Variants in KCNIP4 observed in about 807,000 individuals in gnomAD.
KCNIP4 encodes the protein potassium voltage-gated channel interacting protein 4.
Under a neutral mutation model 34.0 loss-of-function variants are expected in KCNIP4, and 12 were observed. The ratio of observed to expected loss-of-function variants is 0.35; its 90% confidence interval spans 0.23 to 0.57. The LOEUF is 0.57. Among genes scored for constraint, KCNIP4 ranks in the 20% least tolerant of loss-of-function variants. The probability of loss-of-function intolerance (pLI) is 0.83; values close to 1 mark genes in which losing one functional copy is unlikely to be tolerated. For synonymous variants in KCNIP4, 124 were observed against 102.2 expected (o/e 1.21, Z -1.29); for missense variants, 238 against 311.7 (o/e 0.76, Z 1.78).
At position 20,729,944 on chromosome 4, in the gene KCNIP4, T is replaced by G; in HGVS notation, c.*138A>C. 1 of 1,011,348 alleles carries G rather than the reference T, an allele frequency of 9.9e-7. No individual in the cohort carries two copies. Among genetic ancestry groups the G allele is most frequent in the Non-Finnish European group, 1.4e-6 (1 of 736,800 alleles). 62.6% of individuals were successfully genotyped at this position (1,011,348 alleles called of 1,614,324 possible). Reference sequence around the variant, plus strand: ...AAGCTCAAATCTTTTGGGGATTGCTTTATATTAAAACAAAGCTTGTTTGCA... The same window carrying G: ...AAGCTCAAATCTTTTGGGGATTGCTGTATATTAAAACAAAGCTTGTTTGCA... On this transcript the variant is annotated 3_prime_UTR_variant, in exon 9 of 9. Transcript: ENST00000382152.
chr4:20,942,543 G>A (rs1268533342), intron 1 of KCNIP4, among the ~76,000 whole-genome samples: 1 of 152,166 alleles, frequency 6.6e-6, no homozygotes, highest in African/African-American at 2.4e-5. Context: ...CAACTATGAC[G>A]TAGGGCCATT....
intron 3 of KCNIP4, among the ~76,000 whole-genome samples, chr4:20,786,387 C>G (rs1711992739): frequency 6.6e-6 from 1 of 152,060 alleles, no homozygotes; most frequent in Non-Finnish European, 1.5e-5. Flanking sequence ...AAGCCTAAAC[C>G]TCAGCAACAC....
intron 1 of KCNIP4, among the ~76,000 whole-genome samples, chr4:21,346,215 T>TATAATATATTA (rs1717358269): frequency 1.6e-4 from 1 of 6,432 alleles, no homozygotes; most frequent in African/African-American, 5.6e-4. Context: ...ATAATATATA[T>TATAATATATTA]TATATATAAT....
intron 1 of KCNIP4, among the ~76,000 whole-genome samples, chr4:21,460,732 G>A (rs1729395938): frequency 6.6e-6 from 1 of 151,936 alleles, no homozygotes; most frequent in Non-Finnish European, 1.5e-5. Flanking sequence ...GCAAATTAGG[G>A]CATTTTTACT....
intron 7 of KCNIP4, among the ~76,000 whole-genome samples, 161 bp downstream of exon 7, chr4:20,732,520 A>G (rs150275793): frequency 1.4e-3 from 208 of 152,350 alleles, no homozygotes; most frequent in African/African-American, 4.5e-3. Flanking sequence ...AGCATTGTAA[A>G]TTCAAAACCA....
intron 3 of KCNIP4, among the ~76,000 whole-genome samples, chr4:20,847,838 A>C (rs1005104231): frequency 1.3e-5 from 2 of 152,172 alleles, no homozygotes; most frequent in Non-Finnish European, 2.9e-5. Flanking sequence ...CCTTTGAATC[A>C]CAGTATGGAG....
chr4:20,765,765 A>G (rs1755342154), intron 3 of KCNIP4, among the ~76,000 whole-genome samples: 1 of 152,176 alleles, frequency 6.6e-6, no homozygotes, highest in South Asian at 2.1e-4. Flanking sequence ...ACACAATAAA[A>G]GTAGAATGAG....
chr4:21,598,799 A>G (rs886822411), intron 1 of KCNIP4, among the ~76,000 whole-genome samples: 6 of 152,046 alleles, frequency 3.9e-5, no homozygotes, highest in African/African-American at 1.4e-4. Context: ...GGGTCTCCCA[A>G]CTCATCCAAT....
At chr4:20,951,972 C>G (rs1487023671) in intron 1 of KCNIP4, among the ~76,000 whole-genome samples, 1 of 152,168 alleles carries the variant, frequency 6.6e-6, no homozygotes, top group Non-Finnish European at 1.5e-5. Context: ...ATAATATACG[C>G]TTTGCTTACT....
chr4:21,881,089 A>AT (rs1028740806), intron 1 of KCNIP4, among the ~76,000 whole-genome samples: 3 of 152,122 alleles, frequency 2.0e-5, no homozygotes, highest in African/African-American at 7.2e-5. Context: ...GAATTATAAT[A>AT]TTTTTTAAAG....
At chr4:21,674,993 T>G (rs886069575) in intron 1 of KCNIP4, among the ~76,000 whole-genome samples, 13 of 152,186 alleles carry the variant, frequency 8.5e-5, no homozygotes, top group African/African-American at 3.1e-4. Flanking sequence ...TTGTCTGCAC[T>G]CCTATGCTTA....
chr4:20,730,221 CCACCTCAACCACCTAT>C, intron 8 of KCNIP4, 92 bp from the exon 9 acceptor site: 1 of 1,396,652 alleles, frequency 7.2e-7, no homozygotes, highest in Non-Finnish European at 9.6e-7. Flanking sequence ...CTCCCATCAA[CCACCTCAACCACCTAT>C]GCCAAAAGCT....
At chr4:21,076,968 C>CA (rs1188439006) in intron 1 of KCNIP4, among the ~76,000 whole-genome samples, 1 of 151,742 alleles carries the variant, frequency 6.6e-6, no homozygotes, top group Non-Finnish European at 1.5e-5. Context: ...ACTAAAAACA[C>CA]AAAAAAATTA....
intron 1 of KCNIP4, among the ~76,000 whole-genome samples, chr4:21,137,262 A>C (rs4697208): frequency 6.6e-6 from 1 of 151,900 alleles, no homozygotes; most frequent in Non-Finnish European, 1.5e-5. Context: ...AAATGACAGA[A>C]GAAGCAACCC....
chr4:20,919,229 G>C (rs376779171), intron 1 of KCNIP4, among the ~76,000 whole-genome samples: 1 of 152,112 alleles, frequency 6.6e-6, no homozygotes, highest in South Asian at 2.1e-4. Flanking sequence ...ATTAGCCCTT[G>C]GAGAGCAGAG....
chr4:21,225,138 T>C (rs1206120735), intron 1 of KCNIP4, among the ~76,000 whole-genome samples: 1 of 152,126 alleles, frequency 6.6e-6, no homozygotes, highest in East Asian at 1.9e-4. Context: ...ACAACAGGTT[T>C]TTTGGGGCAT....
At chr4:21,730,048 A>G (rs1715476789) in intron 1 of KCNIP4, 1 of 152,114 alleles carries the variant, frequency 6.6e-6, no homozygotes, top group Admixed American at 6.6e-5. Flanking sequence ...ATGTCTAAAA[A>G]CAGTTATTTT....
At chr4:21,459,073 T>C (rs1560426264) in intron 1 of KCNIP4, among the ~76,000 whole-genome samples, 1 of 151,794 alleles carries the variant, frequency 6.6e-6, no homozygotes, top group Non-Finnish European at 1.5e-5. Flanking sequence ...ATCATCATTA[T>C]CATCATCAAA....
chr4:21,528,011 A>C (rs1736118709), intron 1 of KCNIP4, among the ~76,000 whole-genome samples: 1 of 152,166 alleles, frequency 6.6e-6, no homozygotes, highest in African/African-American at 2.4e-5. Flanking sequence ...TCCTGAAGGA[A>C]CTGCCACGGG....
Sources: gnomAD v4.1 joint callset for allele counts (sites outside exome capture counted in the v4.1 genomes callset) on GRCh38, gnomAD v4.1.1 for gene constraint, MANE v1.5 for transcripts, NCBI Gene and HGNC (gene_info 2026-07-23, HGNC 2026-07-21) for gene names.